Variants in MMRN1 observed in about 807,000 individuals in gnomAD.
MMRN1 encodes the protein multimerin 1.
In MMRN1, 94 loss-of-function variants were observed where a neutral mutation model predicts 100.7. The observed-to-expected ratio is 0.93, with a 90% CI of 0.79 to 1.11. MMRN1 has a LOEUF of 1.11. Among genes scored for constraint, MMRN1 ranks in the 50% least tolerant of loss-of-function variants. The pLI is 0.00. For synonymous variants in MMRN1, 575 were observed against 505.0 expected, an observed-to-expected ratio of 1.14 and a Z score of -1.86; for missense variants, 1,606 against 1,439.1, an observed-to-expected ratio of 1.12 and a Z score of -1.88.
At chr4:89,887,910 T>A (rs765803902) in intron 1 of MMRN1, among the ~76,000 whole-genome samples, 17 of 151,974 alleles carry the variant, frequency 1.1e-4, no homozygotes, top group Non-Finnish European at 2.2e-4. Context: ...TCATTATAAT[T>A]TCACACTACA....
chr4:89,904,043 GA>G (rs561204974), intron 1 of MMRN1, among the ~76,000 whole-genome samples: 1 of 151,704 alleles, frequency 6.6e-6, no homozygotes, highest in Non-Finnish European at 1.5e-5. Flanking sequence ...TCTACGAGGT[GA>G]AAAAAGCATG....
intron 2 of MMRN1, among the ~76,000 whole-genome samples, chr4:89,911,553 C>CT (rs1263857331): frequency 6.6e-6 from 1 of 151,164 alleles, no homozygotes. Flanking sequence ...AAATACAGAT[C>CT]TTTTTAAATA....
intron 3 of MMRN1, among the ~76,000 whole-genome samples, chr4:89,912,996 C>T (rs927989542): frequency 1.3e-5 from 2 of 151,136 alleles, no homozygotes; most frequent in Non-Finnish European, 3.0e-5. Flanking sequence ...AATTTATATT[C>T]AGACTACAGA....
Position 89,936,784 on chromosome 4 carries a change from A to G in MMRN1, c.3104A>G (p.Asn1035Ser), listed in dbSNP as rs1455065464. Residue 1035 changes from asparagine to serine, a missense_variant, in exon 6 of 8, where the codon AAC becomes AGC. By Grantham distance (46) the Asn-to-Ser change is conservative (BLOSUM62 1). Transcript: ENST00000264790. Reference sequence around the variant, plus strand: ...GGCCGGACTCAAAGAAACACGGACAACATAATATATCCTGGTAAGCTGTTA... The same window carrying G: ...GGCCGGACTCAAAGAAACACGGACAGCATAATATATCCTGGTAAGCTGTTA... Reference protein sequence around the residue: ...LIGRTQRNTDNIIYPEEYSSC... With the variant: ...LIGRTQRNTDSIIYPEEYSSC... 4 of 1,592,478 alleles carry G rather than the reference A, an allele frequency of 2.5e-6. No homozygotes were observed. Among genetic ancestry groups the G allele is most frequent in the South Asian group, 1.2e-5 (1 of 86,414 alleles).
intron 1 of MMRN1, among the ~76,000 whole-genome samples, chr4:89,882,962 T>C (rs1720853320): frequency 6.6e-6 from 1 of 152,044 alleles, no homozygotes; most frequent in South Asian, 2.1e-4. Flanking sequence ...ATTTCTATCA[T>C]TGTAAATTAG....
intron 1 of MMRN1, among the ~76,000 whole-genome samples, chr4:89,885,937 T>A (rs191200397): frequency 6.6e-6 from 1 of 152,172 alleles, no homozygotes. Flanking sequence ...TTTGGGAAAA[T>A]TTTGATCTTT....
chr4:89,952,009 C>T (rs1405218866), intron 7 of MMRN1, among the ~76,000 whole-genome samples: 4 of 151,770 alleles, frequency 2.6e-5, no homozygotes, highest in Non-Finnish European at 5.9e-5. Flanking sequence ...AAAATTCTAC[C>T]CCCTCACAAA....
rs1266627983 is a variant in MMRN1, at chr4:89,935,424, G to A, written c.1744G>A (p.Glu582Lys). The A allele has an allele frequency of 6.2e-7, 1 of 1,613,462 alleles. No homozygotes were observed. The change falls in exon 6 of 8, where the codon GAG becomes AAG. Residue 582 changes from glutamate (E) to lysine (K), a missense_variant. Glu to Lys is a moderately conservative substitution (Grantham distance 56). Coordinates refer to ENST00000264790, the MANE Select transcript of MMRN1 (RefSeq NM_007351.3). ...GATTAACAATCTCACCGTCTCTTTGGAGATGGAGAAAGAGTCTCTCAGAGG... is the reference window on the plus strand; with the variant it reads ...GATTAACAATCTCACCGTCTCTTTGAAGATGGAGAAAGAGTCTCTCAGAGG... ...SKINNLTVSL[E>K]MEKESLRGEC... is the part of the protein sequence containing the mutation.
Position 89,895,066 on chromosome 4 carries a change from A to G in MMRN1, c.95A>G (p.Asp32Gly). 6.2e-7 allele frequency: 1 copy of G among 1,613,956 alleles called. No homozygotes were observed. Among genetic ancestry groups the G allele is most frequent in the South Asian group, 1.1e-5 (1 of 91,076 alleles). ...AAGCATTCTTGGACTATACCTGAGG[A>G]TGGGAACTCTCAGAAGACTATGCCT... Reference protein sequence around the residue: ...NSKHSWTIPEDGNSQKTMPSA... With the variant: ...NSKHSWTIPEGGNSQKTMPSA... Residue 32 changes from aspartate to glycine, a missense_variant, in exon 1 of 8, where the codon GAT becomes GGT. Coordinates refer to ENST00000264790, the MANE Select transcript of MMRN1 (RefSeq NM_007351.3).
At chr4:89,937,679 G>A (rs1296736365) in intron 6 of MMRN1, among the ~76,000 whole-genome samples, 1 of 152,020 alleles carries the variant, frequency 6.6e-6, no homozygotes, top group African/African-American at 2.4e-5. Context: ...GTGCTTAGTA[G>A]AGATATGCCG....
intron 3 of MMRN1, among the ~76,000 whole-genome samples, chr4:89,912,723 A>G (rs1237149947): frequency 3.3e-5 from 5 of 151,296 alleles, no homozygotes; most frequent in Non-Finnish European, 7.4e-5. Context: ...GAATATTACA[A>G]GAAAGGCCAT....
At chr4:89,950,556 A>G (rs1392969895) in intron 6 of MMRN1, among the ~76,000 whole-genome samples, 3 of 152,030 alleles carry the variant, frequency 2.0e-5, no homozygotes, top group African/African-American at 7.2e-5. Flanking sequence ...TAATGTTATT[A>G]TTGCTAAATT....
chr4:89,932,941 T>C (rs1722488174), intron 5 of MMRN1, among the ~76,000 whole-genome samples: 1 of 152,188 alleles, frequency 6.6e-6, no homozygotes, highest in Non-Finnish European at 1.5e-5. Context: ...AATGAGGTTT[T>C]TTTTCTTTTC....
chr4:89,917,875 C>G lies in MMRN1; in HGVS notation c.851-5293C>G, dbSNP rs537984778. 1.8e-3 allele frequency among the ~76,000 whole-genome samples: 276 copies of G among 151,968 alleles called. 4 individuals are homozygous for G. Among genetic ancestry groups the G allele is most frequent in the Admixed American group, 2.8e-3 (43 of 15,206 alleles). On this transcript the variant is annotated intron_variant, in intron 3 of 7. Coordinates refer to ENST00000264790, the MANE Select transcript of MMRN1 (RefSeq NM_007351.3). ...AGTGATTGCATTCAATTTTTATCAG[C>G]ACTTAAATACTGTGTGTATTTTTGA... is the stretch of plus-strand genomic sequence containing the variant.
At chr4:89,927,597 C>T (rs1357883770) in intron 4 of MMRN1, among the ~76,000 whole-genome samples, 198 bp from the exon 5 acceptor site, 2 of 152,034 alleles carry the variant, frequency 1.3e-5, no homozygotes, top group South Asian at 2.1e-4. Context: ...AATTTGAATG[C>T]CCTTTATTCC....
In MMRN1 at chr4:89,935,426, G is replaced by A. The variant is rs1049178755; in HGVS notation, c.1746G>A (p.Glu582=). ...SKINNLTVSL[E]MEKESLRGEC... is the part of the protein sequence containing the mutation. ...TTAACAATCTCACCGTCTCTTTGGA[G>A]ATGGAGAAAGAGTCTCTCAGAGGTG... The change falls in exon 6 of 8, where the codon GAG becomes GAA. Residue 582 remains glutamate, a synonymous_variant. Transcript: ENST00000264790. 5.6e-6 allele frequency: 9 copies of A among 1,613,476 alleles called. No individual in the cohort carries two copies. The highest frequency in any genetic ancestry group is 2.2e-5 in the East Asian group (1 of 44,784).
chr4:89,947,010 A>G (rs893972877), intron 6 of MMRN1, among the ~76,000 whole-genome samples: 1 of 152,150 alleles, frequency 6.6e-6, no homozygotes, highest in Non-Finnish European at 1.5e-5. Flanking sequence ...ACTTCTGGGC[A>G]CAGTGGCTCA....
chr4:89,924,331 C>A lies in MMRN1; in HGVS notation c.955+1059C>A, dbSNP rs533926083. The stretch of plus-strand genomic sequence containing the variant: ...TAATTTTTTTAAAACACTGAAAATT[C>A]TGGGAAAAGTTAAAACATTTTAGAA... On this transcript the variant is annotated intron_variant, in intron 4 of 7. Transcript: ENST00000264790. 7.2e-5 allele frequency among the ~76,000 whole-genome samples: 11 copies of A among 152,104 alleles called. No homozygotes were observed. The East Asian group carries it at 2.1e-3, about 29-fold the overall frequency.
At chr4:89,888,624 C>T (rs899412773) in intron 1 of MMRN1, among the ~76,000 whole-genome samples, 1 of 151,894 alleles carries the variant, frequency 6.6e-6, no homozygotes, top group Non-Finnish European at 1.5e-5. Flanking sequence ...CTGTGTATTT[C>T]GTTCACATAT....
Sources: gnomAD v4.1 joint callset for allele counts (sites outside exome capture counted in the v4.1 genomes callset) on GRCh38, gnomAD v4.1.1 for gene constraint, MANE v1.5 for transcripts, NCBI Gene and HGNC (gene_info 2026-07-23, HGNC 2026-07-21) for gene names.